The following HIRA variants were observed in gnomAD, a reference collection of about 807,000 sequenced individuals.
HIRA encodes protein HIRA.
In HIRA, 13 loss-of-function variants were observed where a neutral mutation model predicts 126.6. The observed-to-expected ratio is 0.10, with a 90% confidence interval of 0.07 to 0.16. The LOEUF is 0.16. Ranked by LOEUF, HIRA falls within the 10% of genes least tolerant of loss-of-function variation. The pLI, the probability that HIRA is intolerant of heterozygous loss-of-function variation, is 1.00. For missense variants in HIRA, 834 were observed against 1,314.4 expected (o/e 0.63, Z 5.65); for synonymous variants, 511 against 520.0 (o/e 0.98, Z 0.24).
At chr22:19,422,197 CACATATATATATAT>C (rs1324574315) in intron 1 of HIRA, among the ~76,000 whole-genome samples, 10 of 122,298 alleles carry the variant, frequency 8.2e-5, no homozygotes, top group African/African-American at 3.6e-4. Context: ...CACACACATA[CACATATATATATAT>C]ACATATATAT....
chr22:19,380,777 C>T (rs574123408), intron 13 of HIRA, among the ~76,000 whole-genome samples: 1 of 152,240 alleles, frequency 6.6e-6, no homozygotes, highest in East Asian at 1.9e-4. Context: ...GTGGGCACCA[C>T]CACTCCCAGC....
chr22:19,377,818 G>GC (rs1159816882), intron 14 of HIRA, 51 bp downstream of exon 14: 1 of 1,467,488 alleles, frequency 6.8e-7, no homozygotes, highest in Non-Finnish European at 9.2e-7. Context: ...AAAACTATGT[G>GC]CAAACCTGAA....
At chr22:19,360,847 A>G (rs2088856718) in intron 17 of HIRA, among the ~76,000 whole-genome samples, 1 of 152,224 alleles carries the variant, frequency 6.6e-6, no homozygotes, top group Non-Finnish European at 1.5e-5. Flanking sequence ...AGCTAGCAGG[A>G]TGGTTGGGAG....
chr22:19,376,679 C>G (rs577148944), intron 14 of HIRA, among the ~76,000 whole-genome samples: 2 of 152,330 alleles, frequency 1.3e-5, no homozygotes, highest in East Asian at 3.9e-4. Context: ...CTCTCAGGGT[C>G]CCCCCAGGGC....
intron 1 of HIRA, among the ~76,000 whole-genome samples, chr22:19,411,596 T>C (rs1302721746): frequency 1.3e-5 from 2 of 152,204 alleles, no homozygotes; most frequent in African/African-American, 4.8e-5. Flanking sequence ...GTTCATCACA[T>C]CTTCAGCCTC....
intron 24 of HIRA, among the ~76,000 whole-genome samples, chr22:19,335,417 G>C (rs2088555556): frequency 6.6e-6 from 1 of 152,044 alleles, no homozygotes; most frequent in African/African-American, 2.4e-5. Flanking sequence ...GCTAATTTTT[G>C]TATTTCTAGT....
chr22:19,374,443 C>T (rs559034448), intron 15 of HIRA, among the ~76,000 whole-genome samples: 11 of 152,254 alleles, frequency 7.2e-5, no homozygotes, highest in African/African-American at 2.2e-4. Context: ...CATGAGCTAT[C>T]GCATGTGGCC....
chr22:19,411,896 T>C (rs2146245889), intron 1 of HIRA, among the ~76,000 whole-genome samples: 1 of 152,260 alleles, frequency 6.6e-6, no homozygotes, highest in Middle Eastern at 3.4e-3. Context: ...AGTGTGAAAA[T>C]TAAATGCTGG....
intron 9 of HIRA, among the ~76,000 whole-genome samples, chr22:19,390,100 G>A (rs942590368): frequency 3.3e-5 from 5 of 152,090 alleles, no homozygotes; most frequent in African/African-American, 1.2e-4. Context: ...TGCATGCGGA[G>A]GTGTCTCTTA....
intron 9 of HIRA, among the ~76,000 whole-genome samples, chr22:19,389,769 G>T (rs1341499950): frequency 6.6e-6 from 1 of 151,794 alleles, no homozygotes; most frequent in Admixed American, 6.6e-5. Context: ...CAGGGCCTCT[G>T]GCTGGGAGGA....
At chr22:19,429,933 AT>A (rs1281011583) in intron 1 of HIRA, among the ~76,000 whole-genome samples, 1 of 152,202 alleles carries the variant, frequency 6.6e-6, no homozygotes, top group Non-Finnish European at 1.5e-5. Flanking sequence ...TAATTACAAT[AT>A]TTGTCCAGTT....
In HIRA at chr22:19,375,646, G is replaced by T. The variant is rs569402595; in HGVS notation, c.1760C>A (p.Pro587Gln). 3.7e-6 allele frequency: 6 copies of T among 1,614,136 alleles called. No homozygotes were observed. The highest frequency in any genetic ancestry group is 5.1e-6 in the Non-Finnish European group (6 of 1,180,016). The change falls in exon 15 of 25, where the codon CCG becomes CAG. Residue 587 changes from proline to glutamine, a missense_variant. Physicochemically the swap from Pro to Gln is moderately conservative, Grantham distance 76. Transcript: ENST00000263208. ...TACCACCTACCTTTCCACAGCTGTC[G>T]GAGTCATGCTGGTCAGGGCAGGAGC... ...PGAPALTSMT[P>Q]TAVERLKEQN... is the part of the protein sequence containing the mutation.
intron 24 of HIRA, among the ~76,000 whole-genome samples, chr22:19,346,777 C>G (rs2088691631): frequency 6.6e-6 from 1 of 152,174 alleles, no homozygotes; most frequent in Non-Finnish European, 1.5e-5. Context: ...CACCTTGTAA[C>G]CATGAGGGAA....
chr22:19,380,644 A>G (rs2089064622), intron 13 of HIRA, among the ~76,000 whole-genome samples: 1 of 151,992 alleles, frequency 6.6e-6, no homozygotes, highest in East Asian at 1.9e-4. Flanking sequence ...ACAAAGTCTC[A>G]CTCTGTCACC....
chr22:19,351,557 A>C lies in HIRA; in HGVS notation c.2849-111T>G. On this transcript the variant is annotated intron_variant, in intron 23 of 24. Transcript: ENST00000263208. This position sits in a 1 kb window ranked among gnomAD's most constrained non-coding sequence, Gnocchi z 4.8. ...TATGTTGTTGTGTCTATCAAATCAG[A>C]ATAAACACATGCGTATTTTATTGCC... 1 of 852,900 alleles carries C rather than the reference A, an allele frequency of 1.2e-6. No individual in the cohort carries two copies. The highest frequency in any genetic ancestry group is 1.8e-6 in the Non-Finnish European group (1 of 541,240). 52.8% of individuals were successfully genotyped at this position (852,900 alleles called of 1,614,324 possible).
At chr22:19,410,032 G>C (rs1354522222) in intron 2 of HIRA, among the ~76,000 whole-genome samples, 1 of 152,236 alleles carries the variant, frequency 6.6e-6, no homozygotes, top group Non-Finnish European at 1.5e-5. Context: ...GCCTGGGGAG[G>C]CCTGGTTGGA....
chr22:19,336,257 T>C (rs954507421), intron 24 of HIRA, among the ~76,000 whole-genome samples: 1 of 152,204 alleles, frequency 6.6e-6, no homozygotes, highest in Non-Finnish European at 1.5e-5. Context: ...GGTGATCTCA[T>C]CTGGCCAGTA....
At chr22:19,380,016 G>T (rs1279912118) in intron 13 of HIRA, among the ~76,000 whole-genome samples, 1 of 151,720 alleles carries the variant, frequency 6.6e-6, no homozygotes, top group Non-Finnish European at 1.5e-5. Context: ...CACCATGTTG[G>T]CCAGGATGGT....
intron 24 of HIRA, among the ~76,000 whole-genome samples, chr22:19,331,780 A>C (rs1200483751): frequency 1.3e-5 from 2 of 152,164 alleles, no homozygotes; most frequent in Non-Finnish European, 2.9e-5. Context: ...GATGAGGCCA[A>C]TGCAGGGTCT....
Sources: gnomAD v4.1 joint callset for allele counts (sites outside exome capture counted in the v4.1 genomes callset) on GRCh38, gnomAD v4.1.1 for gene constraint, Gnocchi (gnomAD v3.1) non-coding constraint, MANE v1.5 for transcripts, NCBI Gene and HGNC (gene_info 2026-07-23, HGNC 2026-07-21) for gene names.